PTCD1: variants seen among roughly 807,000 people sequenced by gnomAD.
PTCD1 encodes pentatricopeptide repeat domain 1.
Under a neutral mutation model 53.4 loss-of-function variants are expected in PTCD1, and 50 were observed. That is an observed-to-expected ratio of 0.94 (90% CI 0.75 to 1.19). The LOEUF (loss-of-function observed/expected upper bound fraction) is 1.19, where lower values mean the gene tolerates loss of function less well. Among genes scored for constraint, PTCD1 ranks in the 50% most tolerant of loss-of-function variants. PTCD1 has a pLI of 0.00. For missense variants in PTCD1, 918 were observed against 904.8 expected, an observed-to-expected ratio of 1.01 and a Z score of -0.19; for synonymous variants, 413 against 394.8, an observed-to-expected ratio of 1.05 and a Z score of -0.55.
chr7:99,423,817 G>A lies in PTCD1; in HGVS notation c.1878C>T (p.Arg626=). 6.2e-7 allele frequency: 1 copy of A among 1,614,158 alleles called. No individual in the cohort carries two copies. ...GGTACTGGGCTGCAAACTCCAGCTGGCGGATGACCACTTCGTTCACCGGGA... is the reference window on the plus strand; with the variant it reads ...GGTACTGGGCTGCAAACTCCAGCTGACGGATGACCACTTCGTTCACCGGGA... ...NRVPVNEVVI[R]QLEFAAQYPP... The change falls in exon 7 of 8, where the codon CGC becomes CGT. Residue 626 remains arginine, a synonymous_variant. Transcript: ENST00000292478.
rs747644336 is a variant in PTCD1, at chr7:99,425,269, G to A, written c.1263C>T (p.Ser421=). 3.1e-6 allele frequency: 5 copies of A among 1,613,274 alleles called. No individual in the cohort carries two copies. Among genetic ancestry groups the A allele is most frequent in the Non-Finnish European group, 4.2e-6 (5 of 1,179,384 alleles). ...QPEVDTKAEP[S]HTAALTAVAL... is the part of the protein sequence containing the mutation. Reference sequence around the variant, plus strand: ...CCACTGCGGTGAGGGCTGCTGTGTGGCTGGGCTCTGCCTTAGTATCCACCT... The same window carrying A: ...CCACTGCGGTGAGGGCTGCTGTGTGACTGGGCTCTGCCTTAGTATCCACCT... Residue 421 remains serine (S), a synonymous_variant, in exon 6 of 8, where the codon AGC becomes AGT. Coordinates refer to ENST00000292478, the MANE Select transcript of PTCD1 (RefSeq NM_015545.4).
chr7:99,417,603 C>G lies in PTCD1; in HGVS notation c.*2364G>C. 6.2e-7 allele frequency: 1 copy of G among 1,610,542 alleles called. No homozygotes were observed. The highest frequency in any genetic ancestry group is 8.5e-7 in the Non-Finnish European group (1 of 1,180,006). On this transcript the variant is annotated 3_prime_UTR_variant, in exon 8 of 8. Transcript: ENST00000292478. ...AAAAGCAAGCTGGAAGTGGTAATGT[C>G]TGACACTCAAGCTTGGTGTTGTTTT...
At chr7:99,421,255 T>C (rs917098606) in intron 7 of PTCD1, among the ~76,000 whole-genome samples, 10 of 151,658 alleles carry the variant, frequency 6.6e-5, no homozygotes, top group African/African-American at 2.4e-4. Context: ...GTTTGGGCAA[T>C]ATAGTGAAAC....
Position 99,424,989 on chromosome 7 carries a change from G to T in PTCD1, c.1543C>A (p.Gln515Lys). 6.2e-7 allele frequency: 1 copy of T among 1,614,216 alleles called. No homozygotes were observed. ...SLLLALLDEH[Q>K]VEADLTFFNT... The stretch of plus-strand genomic sequence containing the variant: ...AAGAATGTCAGGTCGGCCTCTACCT[G>T]GTGCTCATCCAGGAGGGCCAGCAGC... The change falls in exon 6 of 8, where the codon CAG (glutamine) becomes AAG (lysine). Residue 515 changes from glutamine (Q) to lysine (K), a missense_variant. Gln to Lys is a moderately conservative substitution (Grantham distance 53). Coordinates refer to ENST00000292478, the MANE Select transcript of PTCD1 (RefSeq NM_015545.4).
At position 99,425,399 on chromosome 7, in the gene PTCD1, A is replaced by G; in HGVS notation, c.1133T>C (p.Met378Thr). The change falls in exon 6 of 8, where the codon ATG becomes ACG. Residue 378 changes from methionine (M) to threonine (T), a missense_variant. Coordinates refer to ENST00000292478, the MANE Select transcript of PTCD1 (RefSeq NM_015545.4). ...CCTCTCCAGGGCCTCCACATGCAGC[A>G]TGGCTGACATGAGGTTGCCTGCCTT... ...QAKAGNLMSA[M>T]LHVEALERQL... 1.9e-6 allele frequency: 3 copies of G among 1,614,164 alleles called. No homozygotes were observed. In the South Asian group the frequency reaches 3.3e-5, roughly 18 times the overall value.
chr7:99,419,129 T>C lies in PTCD1; in HGVS notation c.*838A>G. 1 of 537,312 alleles carries C rather than the reference T, an allele frequency of 1.9e-6. No homozygotes were observed. The highest frequency in any genetic ancestry group is 3.3e-6 in the Non-Finnish European group (1 of 298,600). 33.3% of individuals were successfully genotyped at this position (537,312 alleles called of 1,614,324 possible). A position where few individuals can be genotyped will look rare whatever the true frequency, so the allele number is the denominator to read the frequency against. ...GAGACTCATTCACACCGATTTCTTT[T>C]TCTTGATTGGCAAACGTGTGTTGGA... is the stretch of plus-strand genomic sequence containing the variant. On this transcript the variant is annotated 3_prime_UTR_variant, in exon 8 of 8. Coordinates refer to ENST00000292478, the MANE Select transcript of PTCD1 (RefSeq NM_015545.4).
At chr7:99,438,477 C>T in intron 1 of PTCD1, 2 of 1,078,282 alleles carry the variant, frequency 1.9e-6, no homozygotes, top group East Asian at 1.1e-4. Context: ...ATTAGAGACA[C>T]GCTGCGGCCG....
At chr7:99,432,952 G>A (rs1796319434) in intron 3 of PTCD1, 1 of 438,180 alleles carries the variant, frequency 2.3e-6, no homozygotes, top group South Asian at 2.1e-5. Flanking sequence ...GCGAGGCTGA[G>A]GCAGGAGGAA....
At chr7:99,437,678 CTG>C (rs1448551005) in intron 1 of PTCD1, among the ~76,000 whole-genome samples, 1 of 152,056 alleles carries the variant, frequency 6.6e-6, no homozygotes, top group Non-Finnish European at 1.5e-5. Context: ...GCTGCACAAA[CTG>C]GGTTTTTTTG....
Position 99,435,257 on chromosome 7 carries a change from T to C in PTCD1, c.-15A>G. 1 of 1,600,758 alleles carries C rather than the reference T, an allele frequency of 6.2e-7. No individual in the cohort carries two copies. Among genetic ancestry groups the C allele is most frequent in the Non-Finnish European group, 8.5e-7 (1 of 1,179,956 alleles). ...ACGAAGTCCATTTCTGGCTTTCCTG[T>C]CCCTCCAGGGCCTGGAATATATCAG... On this transcript the variant is annotated 5_prime_UTR_variant, in exon 2 of 8. Coordinates refer to ENST00000292478, the MANE Select transcript of PTCD1 (RefSeq NM_015545.4).
intron 2 of PTCD1, among the ~76,000 whole-genome samples, chr7:99,434,138 G>C (rs1238681255): frequency 6.6e-6 from 1 of 151,960 alleles, no homozygotes; most frequent in Non-Finnish European, 1.5e-5. Context: ...AGTGATGACA[G>C]GTGGTACGAA....
At chr7:99,427,738 CTT>C (rs1187514743) in intron 5 of PTCD1, among the ~76,000 whole-genome samples, 1 of 151,828 alleles carries the variant, frequency 6.6e-6, no homozygotes, top group Non-Finnish European at 1.5e-5. Flanking sequence ...ACATGGGAGA[CTT>C]TTCATTTTGT....
intron 5 of PTCD1, among the ~76,000 whole-genome samples, chr7:99,426,116 C>T (rs1176108297): frequency 6.7e-6 from 1 of 150,198 alleles, no homozygotes; most frequent in Admixed American, 6.6e-5. Flanking sequence ...TCTCCCTCTC[C>T]CTCTCCCCCT....
chr7:99,429,918 G>C, intron 3 of PTCD1, 112 bp from the exon 4 acceptor site: 1 of 1,345,540 alleles, frequency 7.4e-7, no homozygotes, highest in East Asian at 2.5e-5. Flanking sequence ...GCATCCACCA[G>C]GCCAGGCTCT....
chr7:99,423,729 AG>A (rs1795914354), intron 7 of PTCD1, 45 bp downstream of exon 7: 1 of 1,611,796 alleles, frequency 6.2e-7, no homozygotes, highest in Non-Finnish European at 8.5e-7. Context: ...GGGAGGGGGT[AG>A]CAATGGTGAA....
At chr7:99,437,562 C>T (rs1027767081) in intron 1 of PTCD1, among the ~76,000 whole-genome samples, 3 of 152,276 alleles carry the variant, frequency 2.0e-5, no homozygotes, top group Admixed American at 6.5e-5. Flanking sequence ...CTCGGCCTCC[C>T]GAAGTGCTGG....
At position 99,417,854 on chromosome 7, in the gene PTCD1, ATGG is replaced by A; in HGVS notation, c.*2110_*2112del. On this transcript the variant is annotated 3_prime_UTR_variant, in exon 8 of 8. Transcript: ENST00000292478. ...CTGAACCCCTTTCCTCACTTAGGAA[ATGG>A]TGGTGGGGAGCCCTAATCCCAAGGT... is the stretch of plus-strand genomic sequence containing the variant. 3.5e-6 allele frequency: 5 copies of A among 1,420,830 alleles called. No homozygotes were observed. Among genetic ancestry groups the A allele is most frequent in the Non-Finnish European group, 4.6e-6 (5 of 1,084,496 alleles). 88.0% of individuals were successfully genotyped at this position (1,420,830 alleles called of 1,614,324 possible).
At chr7:99,422,353 A>G (rs1795855305) in intron 7 of PTCD1, among the ~76,000 whole-genome samples, 1 of 152,166 alleles carries the variant, frequency 6.6e-6, no homozygotes, top group Non-Finnish European at 1.5e-5. Flanking sequence ...TTCAAGCCAT[A>G]GTGGCTCTCG....
At chr7:99,421,451 A>G (rs1562838036) in intron 7 of PTCD1, among the ~76,000 whole-genome samples, 2 of 150,808 alleles carry the variant, frequency 1.3e-5, no homozygotes, top group Non-Finnish European at 3.0e-5. Context: ...AAAAAAAGAA[A>G]AAAGAAAATG....
Sources: gnomAD v4.1 joint callset for allele counts (sites outside exome capture counted in the v4.1 genomes callset) on GRCh38, gnomAD v4.1.1 for gene constraint, MANE v1.5 for transcripts, NCBI Gene and HGNC (gene_info 2026-07-23, HGNC 2026-07-21) for gene names.